GFOD1: variants seen among roughly 807,000 people sequenced by gnomAD.
GFOD1 encodes Gfo/Idh/MocA-like oxidoreductase domain containing 1, also known as glucose-fructose oxidoreductase domain-containing protein 1.
A neutral mutation model predicts 25.4 loss-of-function variants in GFOD1; 9 were observed. The observed-to-expected ratio is 0.35, with a 90% CI of 0.21 to 0.62. The LOEUF is 0.62. Ranked by LOEUF, GFOD1 falls within the 20% of genes least tolerant of loss-of-function variation. The pLI, the probability that GFOD1 is intolerant of heterozygous loss-of-function variation, is 0.72. For missense variants in GFOD1, 403 were observed against 556.9 expected (o/e 0.72, Z 2.78); for synonymous variants, 253 against 245.6 (o/e 1.03, Z -0.28).
chr6:13,425,122 C>A (rs1415180759), intron 1 of GFOD1, among the ~76,000 whole-genome samples: 1 of 151,866 alleles, frequency 6.6e-6, no homozygotes, highest in African/African-American at 2.4e-5. Flanking sequence ...CAATACTGGG[C>A]TAATTTTTTG....
chr6:13,465,325 GGGT>G (rs1394269019), intron 1 of GFOD1, among the ~76,000 whole-genome samples: 2 of 152,160 alleles, frequency 1.3e-5, no homozygotes, highest in East Asian at 3.8e-4. Flanking sequence ...CCACAGGCAG[GGGT>G]TGGACAAGCT....
intron 1 of GFOD1, among the ~76,000 whole-genome samples, chr6:13,440,456 G>T (rs987225750): frequency 8.5e-5 from 13 of 152,168 alleles, no homozygotes; most frequent in Admixed American, 2.0e-4. Context: ...CTCCCAAAGT[G>T]CTGGGATTAC....
At chr6:13,486,057 C>T (rs1171462565) in intron 1 of GFOD1, 1 of 985,926 alleles carries the variant, frequency 1.0e-6, no homozygotes, top group Non-Finnish European at 1.2e-6. Context: ...CATCTGCAAT[C>T]TCACGCTAAA....
At chr6:13,450,381 T>C (rs1758074484) in intron 1 of GFOD1, among the ~76,000 whole-genome samples, 1 of 152,202 alleles carries the variant, frequency 6.6e-6, no homozygotes, top group Non-Finnish European at 1.5e-5. Flanking sequence ...ATGAGTGTGT[T>C]TGGGGTCTCC....
chr6:13,393,688 G>C (rs900201125), intron 1 of GFOD1, among the ~76,000 whole-genome samples: 2 of 150,682 alleles, frequency 1.3e-5, no homozygotes, highest in African/African-American at 4.9e-5. Flanking sequence ...ACAAACAACT[G>C]TTTTTTCAGA....
intron 1 of GFOD1, among the ~76,000 whole-genome samples, chr6:13,446,769 CTG>C (rs1413603436): frequency 1.3e-5 from 2 of 152,254 alleles, no homozygotes; most frequent in African/African-American, 4.8e-5. Flanking sequence ...TCCCACTCAT[CTG>C]TCCTGCTGAT....
At chr6:13,385,533 C>A (rs1477729677) in intron 1 of GFOD1, among the ~76,000 whole-genome samples, 3 of 152,084 alleles carry the variant, frequency 2.0e-5, no homozygotes, top group Non-Finnish European at 4.4e-5. Context: ...TATATTTTTG[C>A]CAGACAAGAG....
At position 13,487,091 on chromosome 6, in the gene GFOD1, G is replaced by A. The variant is rs1369854528; in HGVS notation, c.-201C>T. On this transcript the variant is annotated 5_prime_UTR_variant, in exon 1 of 2. Coordinates refer to ENST00000379287, the MANE Select transcript of GFOD1 (RefSeq NM_018988.4). This position sits in a 1 kb window ranked among gnomAD's most constrained non-coding sequence, Gnocchi z 4.9. ...GAGCAAGCTCGGGGCGCCTCAGAAC[G>A]GTGACTGCGGCAGTGTCCGCCACGC... The A allele has an allele frequency of 3.3e-6, 2 of 603,434 alleles. No homozygotes were observed. The highest frequency in any genetic ancestry group is 1.9e-5 in the African/African-American group (1 of 52,496). 37.4% of individuals were successfully genotyped at this position (603,434 alleles called of 1,614,324 possible).
intron 1 of GFOD1, among the ~76,000 whole-genome samples, chr6:13,389,781 G>A (rs952959572): frequency 5.3e-5 from 8 of 151,856 alleles, no homozygotes; most frequent in African/African-American, 1.9e-4. Flanking sequence ...AAAATCTAAC[G>A]CCCCTTTCCA....
intron 1 of GFOD1, among the ~76,000 whole-genome samples, chr6:13,375,447 C>T (rs1320302750): frequency 2.0e-5 from 3 of 152,172 alleles, no homozygotes. Flanking sequence ...CGATGTTCTG[C>T]TGGGTGACAT....
At chr6:13,429,628 T>C (rs555836185) in intron 1 of GFOD1, among the ~76,000 whole-genome samples, 1 of 152,260 alleles carries the variant, frequency 6.6e-6, no homozygotes, top group Admixed American at 6.5e-5. Context: ...AAACAGCCCT[T>C]TGCCCAAGGC....
chr6:13,388,569 G>C (rs1426656024), intron 1 of GFOD1, among the ~76,000 whole-genome samples: 1 of 152,190 alleles, frequency 6.6e-6, no homozygotes, highest in Non-Finnish European at 1.5e-5. Context: ...TATGTAGAAA[G>C]CTAAAACTGG....
intron 1 of GFOD1, among the ~76,000 whole-genome samples, chr6:13,416,877 CA>C (rs1786172012): frequency 6.6e-6 from 1 of 152,078 alleles, no homozygotes; most frequent in South Asian, 2.1e-4. Context: ...GAGAAAAGTG[CA>C]GAGATTTGAG....
chr6:13,468,323 A>C (rs1339619578), intron 1 of GFOD1, among the ~76,000 whole-genome samples: 1 of 152,126 alleles, frequency 6.6e-6, no homozygotes, highest in African/African-American at 2.4e-5. Flanking sequence ...TCCTACACAT[A>C]ATTCTAATGG....
intron 1 of GFOD1, among the ~76,000 whole-genome samples, chr6:13,473,275 C>G (rs1758546681): frequency 6.6e-6 from 1 of 152,196 alleles, no homozygotes. Flanking sequence ...ATGTAAGCAC[C>G]AAACCAGGGG....
intron 1 of GFOD1, among the ~76,000 whole-genome samples, chr6:13,404,893 C>T (rs916723498): frequency 2.6e-5 from 4 of 152,132 alleles, no homozygotes; most frequent in African/African-American, 4.8e-5. Flanking sequence ...CAAATTTCAC[C>T]ATTGCTTTAT....
chr6:13,441,591 G>C (rs188258120), intron 1 of GFOD1, among the ~76,000 whole-genome samples: 1 of 152,094 alleles, frequency 6.6e-6, no homozygotes, highest in Non-Finnish European at 1.5e-5. Context: ...TCATCAATAC[G>C]TTCTTGGAAA....
At chr6:13,475,171 C>T (rs376201185) in intron 1 of GFOD1, among the ~76,000 whole-genome samples, 1 of 142,482 alleles carries the variant, frequency 7.0e-6, no homozygotes, top group Non-Finnish European at 1.5e-5. Flanking sequence ...ATGTGACTGT[C>T]TAATAAACAC....
chr6:13,364,950 G>A lies in GFOD1; in HGVS notation c.966C>T (p.Asp322=). 6.2e-7 allele frequency: 1 copy of A among 1,610,842 alleles called. No homozygotes were observed. Among genetic ancestry groups the A allele is most frequent in the Non-Finnish European group, 8.5e-7 (1 of 1,179,828 alleles). ...GGGGCCGCCCATCCCACGTGCGCCG[G>A]TCGTCCTGGTCCTGGAAGGCCTGGC... ...AVRQAFQDQD[D]RRTWDGRPLT... The change falls in exon 2 of 2, where the codon GAC becomes GAT. Residue 322 remains aspartate (D), a synonymous_variant. Transcript: ENST00000379287. The surrounding 1 kb of genome is among the most constrained non-coding windows in gnomAD (Gnocchi z 4.1).
Sources: allele counts gnomAD v4.1 joint callset (sites outside exome capture counted in the v4.1 genomes callset), GRCh38; gene constraint gnomAD v4.1.1; non-coding constraint Gnocchi (gnomAD v3.1); transcripts MANE v1.5; gene names NCBI Gene and HGNC (gene_info 2026-07-23, HGNC 2026-07-21).